The following RMC1 variants were observed in gnomAD, a reference collection of about 807,000 sequenced individuals.
RMC1 encodes the protein regulator of MON1-CCZ1 complex.
A neutral mutation model predicts 95.5 loss-of-function variants in RMC1; 44 were observed. That is an observed-to-expected ratio of 0.46 (90% CI 0.36 to 0.59). The LOEUF (loss-of-function observed/expected upper bound fraction) is 0.59. RMC1 is among the 20% of genes least tolerant of loss of function. The probability of loss-of-function intolerance (pLI) is 0.00; values close to 1 mark genes in which losing one functional copy is unlikely to be tolerated. For missense variants in RMC1, 705 were observed against 819.6 expected, an observed-to-expected ratio of 0.86 and a Z score of 1.71; for synonymous variants, 320 against 303.6, an observed-to-expected ratio of 1.05 and a Z score of -0.56.
intron 16 of RMC1, 44 bp downstream of exon 16, chr18:23,529,756 T>TAA (rs199522028): frequency 1.3e-5 from 18 of 1,423,278 alleles, no homozygotes; most frequent in Middle Eastern, 1.8e-4. Context: ...AGAAGGAATT[T>TAA]AAAAAAAAAA....
intron 18 of RMC1, 33 bp downstream of exon 18, chr18:23,530,330 A>G: frequency 2.5e-6 from 4 of 1,614,112 alleles, no homozygotes; most frequent in Non-Finnish European, 3.4e-6. Flanking sequence ...TAGACTATGG[A>G]AACTAACTCT....
intron 11 of RMC1, 87 bp downstream of exon 11, chr18:23,524,261 T>C (rs2058229042): frequency 1.3e-5 from 20 of 1,550,410 alleles, no homozygotes; most frequent in Non-Finnish European, 1.8e-5. Flanking sequence ...TCCGGGCAGC[T>C]GTGAATAACA....
chr18:23,520,441 T>A (rs570678594), intron 10 of RMC1, 128 bp downstream of exon 10: 51 of 780,236 alleles, frequency 6.5e-5, no homozygotes, highest in Admixed American at 4.0e-4. Flanking sequence ...TCTGTCTGAT[T>A]TTGCCAGGGG....
chr18:23,521,928 T>G (rs1488907633), intron 10 of RMC1, among the ~76,000 whole-genome samples: 1 of 152,218 alleles, frequency 6.6e-6, no homozygotes, highest in African/African-American at 2.4e-5. Flanking sequence ...AATTGGCTAG[T>G]CTGAGGTTTC....
At chr18:23,516,914 C>T (rs2058023521) in intron 7 of RMC1, among the ~76,000 whole-genome samples, 1 of 151,850 alleles carries the variant, frequency 6.6e-6, no homozygotes, top group African/African-American at 2.4e-5. Context: ...TTGGTAGAGA[C>T]AGGGCTTCAC....
At position 23,503,652 on chromosome 18, in the gene RMC1, G is replaced by C. The variant is rs773158906; in HGVS notation, c.34G>C (p.Glu12Gln). 3 of 1,589,866 alleles carry C rather than the reference G, an allele frequency of 1.9e-6. No homozygotes were observed. Among genetic ancestry groups the C allele is most frequent in the East Asian group, 4.8e-5 (2 of 41,840 alleles). The change falls in exon 1 of 20, where the codon GAG (glutamate) becomes CAG (glutamine). Residue 12 changes from glutamate to glutamine, a missense_variant. Coordinates refer to ENST00000269221, the MANE Select transcript of RMC1 (RefSeq NM_013326.5). Reference protein sequence around the residue: ...GEEDYYLELCERPVQFEKANP... With the variant: ...GEEDYYLELCQRPVQFEKANP... ...GGAGGACTACTATCTGGAGCTGTGC[G>C]AGCGGCCGGTGCAGTTCGAGAAGGC... is the stretch of plus-strand genomic sequence containing the variant.
At chr18:23,529,896 C>A (rs2058437841) in intron 16 of RMC1, 132 bp from the exon 17 acceptor site, 2 of 1,058,150 alleles carry the variant, frequency 1.9e-6, no homozygotes, top group African/African-American at 1.7e-5. Flanking sequence ...TCTTTACCTG[C>A]ATGACGAAAC....
intron 1 of RMC1, 50 bp downstream of exon 1, chr18:23,503,770 G>A (rs1250625288): frequency 2.0e-6 from 3 of 1,509,824 alleles, no homozygotes; most frequent in Admixed American, 2.0e-5. Context: ...CGGGGTCGTG[G>A]GCGCGCCAAG....
In RMC1 at chr18:23,503,541, C is replaced by G; in HGVS notation, c.-78C>G. 9 of 1,055,472 alleles carry G rather than the reference C, an allele frequency of 8.5e-6. No homozygotes were observed. Among genetic ancestry groups the G allele is most frequent in the Non-Finnish European group, 1.2e-5 (9 of 780,390 alleles). The allele number at this position is 1,055,472 out of a possible 1,614,324, so 65.4% of individuals were successfully genotyped here. On this transcript the variant is annotated 5_prime_UTR_variant, in exon 1 of 20. Transcript: ENST00000269221. ...CGCAGCCGCAGCCGCCGCTACAGTC[C>G]GGGCCGGGCTCCACCGCGCATCCTG... is the stretch of plus-strand genomic sequence containing the variant.
At chr18:23,512,795 G>A (rs2057897945) in intron 5 of RMC1, among the ~76,000 whole-genome samples, 1 of 152,006 alleles carries the variant, frequency 6.6e-6, no homozygotes, top group Non-Finnish European at 1.5e-5. Flanking sequence ...CTGTTTTTAA[G>A]TGTTCAGTTC....
chr18:23,518,916 T>A lies in RMC1; in HGVS notation c.680T>A (p.Leu227Ter). 6.2e-7 allele frequency: 1 copy of A among 1,614,192 alleles called. No individual in the cohort carries two copies. Among genetic ancestry groups the A allele is most frequent in the Non-Finnish European group, 8.5e-7 (1 of 1,180,010 alleles). The change falls in exon 8 of 20, where the codon TTG becomes TAG. Residue 227 changes from leucine (L) to a stop codon, truncating the protein, a stop_gained. Transcript: ENST00000269221. LOFTEE classifies it high-confidence loss of function. ...TIYGQLYVLF[L>*]RHHSRTSNST... Reference sequence around the variant, plus strand: ...TACGGGCAGCTGTATGTTCTCTTCTTGAGGCATCATTCTCGGACCTCCAAC... The same window carrying A: ...TACGGGCAGCTGTATGTTCTCTTCTAGAGGCATCATTCTCGGACCTCCAAC...
At chr18:23,514,127 C>T (rs1235128136) in intron 5 of RMC1, among the ~76,000 whole-genome samples, 2 of 152,106 alleles carry the variant, frequency 1.3e-5, no homozygotes, top group Non-Finnish European at 2.9e-5. Flanking sequence ...TTTTGTTGAC[C>T]TAATGAAAGT....
At chr18:23,512,845 G>C (rs2057899297) in intron 5 of RMC1, among the ~76,000 whole-genome samples, 1 of 152,220 alleles carries the variant, frequency 6.6e-6, no homozygotes, top group South Asian at 2.1e-4. Context: ...TTATGAAATA[G>C]CTCCAGAACT....
At chr18:23,526,892 G>A (rs1477859558) in intron 13 of RMC1, 127 bp downstream of exon 13, 3 of 1,312,468 alleles carry the variant, frequency 2.3e-6, no homozygotes, top group African/African-American at 3.0e-5. Context: ...CTTTATGTGA[G>A]GGGTGGCTAT....
Position 23,518,985 on chromosome 18 carries a change from T to G in RMC1, c.743+6T>G. 1 of 1,614,130 alleles carries G rather than the reference T, an allele frequency of 6.2e-7. No individual in the cohort carries two copies. Among genetic ancestry groups the G allele is most frequent in the African/African-American group, 1.3e-5 (1 of 75,050 alleles). Reference sequence around the variant, plus strand: ...GTCCTCTATCATCTACCACGGTAGATTTCATGCTTTGTTTTCCCTCTCTCT... The same window carrying G: ...GTCCTCTATCATCTACCACGGTAGAGTTCATGCTTTGTTTTCCCTCTCTCT... On this transcript the variant is annotated splice_donor_region_variant and intron_variant, in intron 8 of 19. Coordinates refer to ENST00000269221, the MANE Select transcript of RMC1 (RefSeq NM_013326.5).
chr18:23,520,343 C>G, intron 10 of RMC1, 30 bp downstream of exon 10: 4 of 1,542,224 alleles, frequency 2.6e-6, no homozygotes, highest in Non-Finnish European at 3.6e-6. Context: ...GGAGTCTGTG[C>G]TGCCCTTTCA....
intron 2 of RMC1, among the ~76,000 whole-genome samples, chr18:23,505,384 A>C (rs960977126): frequency 1.3e-5 from 2 of 152,036 alleles, no homozygotes; most frequent in Admixed American, 6.6e-5. Context: ...TAAAGTATGG[A>C]TGGGGTTCGA....
At chr18:23,508,665 T>C (rs907360385) in intron 4 of RMC1, 22 of 152,314 alleles carry the variant, frequency 1.4e-4, no homozygotes, top group Non-Finnish European at 2.8e-4. Context: ...GGCGGACTCT[T>C]TGGTGAGGAG....
At chr18:23,516,112 T>TCTGACCACTAGAGGGCA in intron 6 of RMC1, 116 bp downstream of exon 6, 1 of 1,485,998 alleles carries the variant, frequency 6.7e-7, no homozygotes, top group Non-Finnish European at 9.2e-7. Context: ...ACGTCACCGC[T>TCTGACCACTAGAGGGCA]CTGACCACTA....
Sources: allele counts gnomAD v4.1 joint callset (sites outside exome capture counted in the v4.1 genomes callset), GRCh38; gene constraint gnomAD v4.1.1; transcripts MANE v1.5; gene names NCBI Gene and HGNC (gene_info 2026-07-23, HGNC 2026-07-21).